RGS7: variants seen among roughly 807,000 people sequenced by gnomAD.
RGS7 encodes the protein regulator of G-protein signaling 7.
RGS7 carries 27 observed loss-of-function variants against 81.1 expected under a neutral mutation model. The ratio of observed to expected loss-of-function variants is 0.33; its 90% CI spans 0.25 to 0.46. RGS7 has a LOEUF of 0.46. Among genes scored for constraint, RGS7 ranks in the 20% least tolerant of loss-of-function variants. The pLI is 1.00. For synonymous variants in RGS7, 208 were observed against 207.7 expected (o/e 1.00, Z -0.01); for missense variants, 396 against 607.4 (o/e 0.65, Z 3.66).
chr1:241,290,528 G>A (rs983344581), intron 2 of RGS7, among the ~76,000 whole-genome samples: 1 of 152,144 alleles, frequency 6.6e-6, no homozygotes, highest in African/African-American at 2.4e-5. Context: ...AGGAAATTGT[G>A]TCCTGTTCTC....
At chr1:241,289,526 T>C (rs1214019046) in intron 2 of RGS7, among the ~76,000 whole-genome samples, 1 of 152,230 alleles carries the variant, frequency 6.6e-6, no homozygotes, top group South Asian at 2.1e-4. Context: ...TCTACATATC[T>C]TGAGGAAGTT....
At chr1:240,869,225 C>T (rs987982137) in intron 7 of RGS7, among the ~76,000 whole-genome samples, 7 of 152,172 alleles carry the variant, frequency 4.6e-5, no homozygotes, top group Non-Finnish European at 8.8e-5. Context: ...ATTCCTACTA[C>T]GCATGCAATC....
At chr1:241,016,892 G>T (rs989181145) in intron 3 of RGS7, among the ~76,000 whole-genome samples, 1 of 152,036 alleles carries the variant, frequency 6.6e-6, no homozygotes, top group African/African-American at 2.4e-5. Context: ...CATTGCATTT[G>T]TTGTGCATTT....
intron 2 of RGS7, among the ~76,000 whole-genome samples, chr1:241,198,536 A>G (rs1383558179): frequency 1.3e-5 from 2 of 152,280 alleles, no homozygotes; most frequent in Non-Finnish European, 2.9e-5. Flanking sequence ...GTAATAGAAT[A>G]TTTTGAATAG....
At chr1:240,818,589 T>C (rs770995146) in intron 10 of RGS7, among the ~76,000 whole-genome samples, 5 of 152,236 alleles carry the variant, frequency 3.3e-5, no homozygotes, top group Non-Finnish European at 5.9e-5. Context: ...ATGTGTTATA[T>C]ACATAATGGA....
At chr1:240,791,860 A>AG (rs1686068452) in intron 18 of RGS7, among the ~76,000 whole-genome samples, 1 of 152,210 alleles carries the variant, frequency 6.6e-6, no homozygotes, top group Non-Finnish European at 1.5e-5. Flanking sequence ...TAATGTGCAA[A>AG]TATTACCCTT....
In RGS7 at chr1:241,157,921, A is replaced by G. The variant is rs112234266; in HGVS notation, c.79-59159T>C. On this transcript the variant is annotated intron_variant, in intron 2 of 18. Coordinates refer to ENST00000440928, the MANE Select transcript of RGS7 (RefSeq NM_001364886.1). ...GCAAGCTCCACCTCCCGGTCACGCC[A>G]TTCTCCTGCCTCAGCCTCCCGAGTA... Among the ~76,000 whole-genome samples, 1,095 of 145,066 alleles carry G rather than the reference A, an allele frequency of 7.5e-3. 11 individuals carry two copies. The highest frequency in any genetic ancestry group is 0.026 in the African/African-American group (1,022 of 38,914).
chr1:241,190,756 T>G (rs1175328936), intron 2 of RGS7, among the ~76,000 whole-genome samples: 1 of 152,190 alleles, frequency 6.6e-6, no homozygotes, highest in Non-Finnish European at 1.5e-5. Context: ...TTATTCCATC[T>G]GAAAATGGTG....
In RGS7 at chr1:240,868,038, GAAAA is replaced by G. The variant is rs1478224505; in HGVS notation, c.609+545_609+548del. Among the ~76,000 whole-genome samples, 1 of 101,034 alleles carries G rather than the reference GAAAA, an allele frequency of 9.9e-6. No homozygotes were observed. Among genetic ancestry groups the G allele is most frequent in the African/African-American group, 3.7e-5 (1 of 26,802 alleles). The allele number at this position is 101,034 out of a possible 152,430, so 66.3% of individuals were successfully genotyped here. The stretch of plus-strand genomic sequence containing the variant: ...GAGAAAGAAAGAAAAGAAAAGAAGA[GAAAA>G]GAAAGAAAGAAAGAAAGAAAAGAAG... On this transcript the variant is annotated intron_variant, in intron 9 of 18. Transcript: ENST00000440928. The surrounding 1 kb of genome is among the most constrained non-coding windows in gnomAD (Gnocchi z 5.1).
intron 2 of RGS7, among the ~76,000 whole-genome samples, chr1:241,111,106 T>C (rs1349551216): frequency 1.3e-5 from 2 of 152,344 alleles, no homozygotes; most frequent in East Asian, 3.9e-4. Flanking sequence ...AATTCTTTGA[T>C]TTAAATCCCA....
intron 11 of RGS7, among the ~76,000 whole-genome samples, chr1:240,815,333 T>A (rs540505382): frequency 6.6e-6 from 1 of 151,908 alleles, no homozygotes; most frequent in African/African-American, 2.4e-5. Context: ...CAGAACAAGA[T>A]TCTGTCTCAA....
chr1:240,953,503 A>G (rs1679886690), intron 4 of RGS7, among the ~76,000 whole-genome samples: 1 of 152,016 alleles, frequency 6.6e-6, no homozygotes, highest in African/African-American at 2.4e-5. Context: ...TAGGTCAAAG[A>G]AAATGTCTAA....
intron 3 of RGS7, among the ~76,000 whole-genome samples, chr1:241,000,260 G>C (rs1687932763): frequency 6.6e-6 from 1 of 152,196 alleles, no homozygotes; most frequent in South Asian, 2.1e-4. Context: ...GTGGTGACTA[G>C]GGATGGGGCG....
At chr1:241,038,028 T>C (rs890526257) in intron 3 of RGS7, among the ~76,000 whole-genome samples, 1 of 152,132 alleles carries the variant, frequency 6.6e-6, no homozygotes, top group Non-Finnish European at 1.5e-5. Context: ...TCAGGTATAA[T>C]GGGTATACCA....
At chr1:241,005,781 C>A (rs7515779) in intron 3 of RGS7, among the ~76,000 whole-genome samples, 2 of 152,158 alleles carry the variant, frequency 1.3e-5, no homozygotes, top group African/African-American at 4.8e-5. Context: ...GTGATCCACC[C>A]GCCTTGGCCT....
At chr1:240,910,388 T>C (rs1220419811) in intron 6 of RGS7, among the ~76,000 whole-genome samples, 2 of 152,110 alleles carry the variant, frequency 1.3e-5, no homozygotes, top group Non-Finnish European at 2.9e-5. Flanking sequence ...TAAAAAATAG[T>C]TGATCTTACA....
At chr1:240,861,752 G>C (rs1662234626) in intron 9 of RGS7, among the ~76,000 whole-genome samples, 3 of 151,544 alleles carry the variant, frequency 2.0e-5, no homozygotes. Context: ...TTTTGTTCTT[G>C]CTTTTTTTTA....
chr1:240,782,715 C>T (rs375034677), intron 18 of RGS7, among the ~76,000 whole-genome samples: 54 of 152,282 alleles, frequency 3.5e-4, no homozygotes, highest in African/African-American at 1.1e-3. Flanking sequence ...AGACACTGTG[C>T]CCGACCAAAT....
At chr1:240,916,459 T>C (rs537791670) in intron 6 of RGS7, among the ~76,000 whole-genome samples, 2 of 152,332 alleles carry the variant, frequency 1.3e-5, no homozygotes, top group South Asian at 2.1e-4. Flanking sequence ...TAATGACAGA[T>C]ATTGTTATGA....
Sources: gnomAD v4.1 joint callset for allele counts (sites outside exome capture counted in the v4.1 genomes callset) on GRCh38, gnomAD v4.1.1 for gene constraint, Gnocchi (gnomAD v3.1) non-coding constraint, MANE v1.5 for transcripts, NCBI Gene and HGNC (gene_info 2026-07-23, HGNC 2026-07-21) for gene names.